The following DNAH14 variants were observed in gnomAD, a reference collection of about 807,000 sequenced individuals.
DNAH14 encodes dynein axonemal heavy chain 14, also known as axonemal beta dynein heavy chain 14.
A neutral mutation model predicts 520.9 loss-of-function variants in DNAH14; 478 were observed. The ratio of observed to expected loss-of-function variants is 0.92; its 90% CI spans 0.85 to 0.99. The LOEUF is 0.99. DNAH14 is among the 50% of genes least tolerant of loss of function. The pLI, the probability that DNAH14 is intolerant of heterozygous loss-of-function variation, is 0.00. For missense variants in DNAH14, 4,831 were observed against 5,234.5 expected, an observed-to-expected ratio of 0.92 and a Z score of 2.38; for synonymous variants, 1,581 against 1,757.2, an observed-to-expected ratio of 0.90 and a Z score of 2.51.
chr1:224,944,624 C>A (rs1371330578), intron 1 of DNAH14, among the ~76,000 whole-genome samples: 1 of 152,190 alleles, frequency 6.6e-6, no homozygotes, highest in Non-Finnish European at 1.5e-5. Context: ...TTTGCAGTGG[C>A]TGGTACCAGT....
intron 19 of DNAH14, among the ~76,000 whole-genome samples, chr1:225,081,542 G>A (rs1258013660): frequency 6.6e-6 from 1 of 152,140 alleles, no homozygotes; most frequent in Non-Finnish European, 1.5e-5. Flanking sequence ...TTTACCCATG[G>A]TTCCCCAGAT....
At chr1:225,391,052 C>T (rs538573242) in intron 83 of DNAH14, among the ~76,000 whole-genome samples, 1 of 152,286 alleles carries the variant, frequency 6.6e-6, no homozygotes, top group South Asian at 2.1e-4. Context: ...CTAGAGAAAA[C>T]ACCTTTCACA....
At chr1:224,950,380 C>T (rs1025854019) in intron 1 of DNAH14, among the ~76,000 whole-genome samples, 1 of 152,008 alleles carries the variant, frequency 6.6e-6, no homozygotes, top group Admixed American at 6.5e-5. Context: ...TTGTTATTTT[C>T]ATGCTTAAAT....
At chr1:224,976,062 C>A (rs1444608687) in intron 8 of DNAH14, among the ~76,000 whole-genome samples, 1 of 151,748 alleles carries the variant, frequency 6.6e-6, no homozygotes, top group Non-Finnish European at 1.5e-5. Context: ...ATCCTGAGTT[C>A]TAGTTTGATT....
chr1:225,352,030 A>C, intron 72 of DNAH14, 147 bp downstream of exon 72: 1 of 638,126 alleles, frequency 1.6e-6, no homozygotes, highest in Non-Finnish European at 2.7e-6. Context: ...CATGTTATTC[A>C]TTATAATCCT....
At position 225,324,811 on chromosome 1, in the gene DNAH14, G is replaced by A. The variant is rs987908463; in HGVS notation, c.9702G>A (p.Glu3234=). 2.0e-5 allele frequency: 31 copies of A among 1,551,252 alleles called. No individual in the cohort carries two copies. The highest frequency in any genetic ancestry group is 3.3e-4 in the Middle Eastern group (2 of 6,010). The change falls in exon 64 of 86, where the codon GAG becomes GAA. Residue 3234 remains glutamate (E), a synonymous_variant. Coordinates refer to ENST00000682510, the MANE Select transcript of DNAH14 (RefSeq NM_001367479.1). The part of the protein sequence containing the change: ...VLKIARQRLA[E]KQRGLQLVEE... ...AAATTGCGCGACAAAGACTTGCTGA[G>A]AAACAAAGAGGTTTACAGCTGGTAA...
chr1:225,205,372 C>A (rs149094000), intron 39 of DNAH14, among the ~76,000 whole-genome samples: 5 of 152,152 alleles, frequency 3.3e-5, no homozygotes, highest in South Asian at 4.1e-4. Context: ...CTGTCAACCA[C>A]GAAGATAGCA....
chr1:225,335,823 A>G lies in DNAH14; in HGVS notation c.10081-1443A>G, dbSNP rs1349480115. 6.0e-5 allele frequency among the ~76,000 whole-genome samples: 7 copies of G among 116,822 alleles called. No individual in the cohort carries two copies. The East Asian group carries it at 1.1e-3, about 19-fold the overall frequency. 76.6% of individuals were successfully genotyped at this position (116,822 alleles called of 152,430 possible). On this transcript the variant is annotated intron_variant, in intron 66 of 85. Transcript: ENST00000682510. The stretch of plus-strand genomic sequence containing the variant: ...TGTATATGTACATATATGTACATAC[A>G]CATATGTACATATATGTACATACAC...
intron 1 of DNAH14, among the ~76,000 whole-genome samples, chr1:224,941,015 A>G (rs2059385631): frequency 6.6e-6 from 1 of 152,102 alleles, no homozygotes; most frequent in African/African-American, 2.4e-5. Flanking sequence ...ATGTTTTATA[A>G]TCCTTTGGGT....
rs753269576 is a variant in DNAH14 at position 225,147,181 on chromosome 1, G to A, written c.4872G>A (p.Leu1624=). The part of the protein sequence containing the change: ...SCFDEFNLID[L]EVLSVIASQI... The stretch of plus-strand genomic sequence containing the variant: ...TTGATGAATTCAATCTAATTGATTT[G>A]GAAGTTCTCTCTGTCATTGCCTCAC... The change falls in exon 31 of 86, where the codon TTG becomes TTA. Residue 1624 remains leucine (L), a synonymous_variant. Transcript: ENST00000682510. The A allele has an allele frequency of 3.2e-6, 5 of 1,550,372 alleles. No homozygotes were observed. Among genetic ancestry groups the A allele is most frequent in the Non-Finnish European group, 8.7e-7 (1 of 1,146,484 alleles).
At chr1:225,362,090 C>A (rs983670194) in intron 75 of DNAH14, among the ~76,000 whole-genome samples, 2 of 152,140 alleles carry the variant, frequency 1.3e-5, no homozygotes, top group Non-Finnish European at 2.9e-5. Context: ...ACACCACGGA[C>A]CAGGCAAACA....
intron 18 of DNAH14, among the ~76,000 whole-genome samples, chr1:225,080,104 A>G (rs1011872846): frequency 6.6e-6 from 1 of 152,214 alleles, no homozygotes; most frequent in Non-Finnish European, 1.5e-5. Context: ...ACTATGAATG[A>G]ATGTAGGCAA....
In DNAH14 at chr1:225,100,872, G is replaced by C; in HGVS notation, c.3855G>C (p.Lys1285Asn). 6.7e-7 allele frequency: 1 copy of C among 1,500,326 alleles called. No individual in the cohort carries two copies. Among genetic ancestry groups the C allele is most frequent in the Non-Finnish European group, 8.8e-7 (1 of 1,131,622 alleles). 92.9% of individuals were successfully genotyped at this position (1,500,326 alleles called of 1,614,324 possible). A position where few individuals can be genotyped will look rare whatever the true frequency, so the allele number is the denominator to read the frequency against. Residue 1285 changes from lysine (K) to asparagine (N), a missense_variant, in exon 23 of 86, where the codon AAG (lysine) becomes AAC (asparagine). By Grantham distance (94) the Lys-to-Asn change is moderately conservative. Transcript: ENST00000682510. ...QNCNIHLEHI[K>N]KSLEDYLEVK... Reference sequence around the variant, plus strand: ...GTAATATACATCTTGAACATATAAAGAAAAGCCTTGAGGTAAAACTATAGC... The same window carrying C: ...GTAATATACATCTTGAACATATAAACAAAAGCCTTGAGGTAAAACTATAGC...
intron 23 of DNAH14, among the ~76,000 whole-genome samples, chr1:225,115,475 T>C (rs1486870696): frequency 6.6e-6 from 1 of 152,252 alleles, no homozygotes; most frequent in Non-Finnish European, 1.5e-5. Flanking sequence ...ATATTCACTT[T>C]ACTTCATGAA....
At position 225,211,391 on chromosome 1, in the gene DNAH14, GAAGA is replaced by G. The variant is rs2088389628; in HGVS notation, c.6439+4177_6439+4180del. Among the ~76,000 whole-genome samples the G allele has an allele frequency of 3.3e-5, 5 of 152,030 alleles. No individual in the cohort carries two copies. The South Asian group carries it at 1.0e-3, about 32-fold the overall frequency. ...TATCAATAACTGAATAGATCAATCA[GAAGA>G]AAGAATATCAGAGATTAAAGATCAA... On this transcript the variant is annotated intron_variant, in intron 41 of 85. Coordinates refer to ENST00000682510, the MANE Select transcript of DNAH14 (RefSeq NM_001367479.1).
chr1:225,093,876 A>G (rs1213504823), intron 21 of DNAH14, among the ~76,000 whole-genome samples: 1 of 152,182 alleles, frequency 6.6e-6, no homozygotes, highest in Admixed American at 6.5e-5. Flanking sequence ...ATGCAGTCCC[A>G]TTCACAATAG....
At chr1:225,341,758 C>T (rs556096749) in intron 69 of DNAH14, among the ~76,000 whole-genome samples, 1 of 152,324 alleles carries the variant, frequency 6.6e-6, no homozygotes, top group South Asian at 2.1e-4. Context: ...ACAATCTTTA[C>T]TGCATCTAAA....
At chr1:225,241,595 T>A (rs1366546968) in intron 43 of DNAH14, among the ~76,000 whole-genome samples, 1 of 152,156 alleles carries the variant, frequency 6.6e-6, no homozygotes, top group Non-Finnish European at 1.5e-5. Flanking sequence ...TAGTGTAGCC[T>A]ACTACACACC....
intron 7 of DNAH14, among the ~76,000 whole-genome samples, chr1:224,971,367 T>A (rs2061493088): frequency 6.6e-6 from 1 of 152,194 alleles, no homozygotes; most frequent in African/African-American, 2.4e-5. Flanking sequence ...AGAAACTTTT[T>A]TTTTGTAAGA....
Sources: allele counts gnomAD v4.1 joint callset (sites outside exome capture counted in the v4.1 genomes callset), GRCh38; gene constraint gnomAD v4.1.1; transcripts MANE v1.5; gene names NCBI Gene and HGNC (gene_info 2026-07-23, HGNC 2026-07-21).